The following MAF variants were observed in gnomAD, a reference collection of about 807,000 sequenced individuals.
MAF encodes transcription factor Maf.
In MAF, 10 loss-of-function variants were observed where a neutral mutation model predicts 22.0. The observed-to-expected ratio is 0.45, with a 90% CI of 0.28 to 0.77. MAF has a LOEUF of 0.77. Among genes scored for constraint, MAF ranks in the 30% least tolerant of loss-of-function variants. MAF has a pLI of 0.12. For missense variants in MAF, 544 were observed against 548.4 expected (o/e 0.99, Z 0.08); for synonymous variants, 337 against 255.8 (o/e 1.32, Z -3.03).
the MAF span, among the ~76,000 whole-genome samples, chr16:79,383,140 T>C: frequency 5.3e-5 from 8 of 152,222 alleles, no homozygotes; most frequent in African/African-American, 1.7e-4. Flanking sequence ...ATTGGAGATA[T>C]TGACATTTAC....
the MAF span, among the ~76,000 whole-genome samples, chr16:79,233,531 A>AATGGATAAT: frequency 3.3e-5 from 5 of 152,036 alleles, no homozygotes; most frequent in African/African-American, 1.2e-4. Flanking sequence ...GCTAAGCATC[A>AATGGATAAT]CTGGCTAATC....
At chr16:79,484,197 A>G in the MAF span, among the ~76,000 whole-genome samples, 4 of 152,212 alleles carry the variant, frequency 2.6e-5, no homozygotes, top group Non-Finnish European at 5.9e-5. Context: ...TCAAACAAAC[A>G]TCAGAACCAA....
At chr16:79,245,943 A>T in the MAF span, among the ~76,000 whole-genome samples, 2 of 152,092 alleles carry the variant, frequency 1.3e-5, no homozygotes, top group Non-Finnish European at 2.9e-5. Context: ...CATTCTCAGC[A>T]AACTAACACA....
the MAF span, among the ~76,000 whole-genome samples, chr16:79,547,529 T>TA: frequency 2.1e-4 from 31 of 151,164 alleles, no homozygotes; most frequent in African/African-American, 5.1e-4. Flanking sequence ...AAAAATATAC[T>TA]AAAAAAAAAC....
chr16:79,367,726 C>T, the MAF span, among the ~76,000 whole-genome samples: 183 of 152,298 alleles, frequency 1.2e-3, 1 homozygote, highest in African/African-American at 4.2e-3. Context: ...ATTTAAATTT[C>T]ACGTAAGTAC....
At chr16:79,225,395 A>G in the MAF span, among the ~76,000 whole-genome samples, 2 of 152,198 alleles carry the variant, frequency 1.3e-5, no homozygotes, top group Non-Finnish European at 2.9e-5. Flanking sequence ...ATAAGACCTA[A>G]AACCATAAAA....
chr16:79,406,336 G>A, the MAF span, among the ~76,000 whole-genome samples: 1 of 152,282 alleles, frequency 6.6e-6, no homozygotes, highest in South Asian at 2.1e-4. Flanking sequence ...GTCTCTTTGG[G>A]CTGCTATACC....
the MAF span, among the ~76,000 whole-genome samples, chr16:79,472,616 G>A: frequency 6.6e-6 from 1 of 152,092 alleles, no homozygotes. Context: ...GGGCTTGGAG[G>A]CAGAGAAGAA....
At chr16:79,471,837 C>A in the MAF span, among the ~76,000 whole-genome samples, 105 of 152,262 alleles carry the variant, frequency 6.9e-4, no homozygotes, top group Non-Finnish European at 6.3e-4. Flanking sequence ...TCAAATTTTC[C>A]ATAATGGGTA....
chr16:79,278,997 T>C, the MAF span, among the ~76,000 whole-genome samples: 1 of 152,114 alleles, frequency 6.6e-6, no homozygotes, highest in Non-Finnish European at 1.5e-5. Flanking sequence ...CAAATATATG[T>C]ATACAGGATA....
At chr16:79,353,865 C>A in the MAF span, among the ~76,000 whole-genome samples, 1 of 152,166 alleles carries the variant, frequency 6.6e-6, no homozygotes, top group Admixed American at 6.5e-5. Flanking sequence ...TCGTTAACAC[C>A]TAAAGCCCTC....
At chr16:79,541,759 G>T in the MAF span, among the ~76,000 whole-genome samples, 1 of 150,054 alleles carries the variant, frequency 6.7e-6, no homozygotes, top group African/African-American at 2.5e-5. Context: ...GGGTTCAAGA[G>T]ATTCTCCTGC....
chr16:79,314,929 C>G, the MAF span, among the ~76,000 whole-genome samples: 14 of 152,130 alleles, frequency 9.2e-5, no homozygotes, highest in Non-Finnish European at 1.2e-4. Flanking sequence ...GAAGTGACCT[C>G]GAAATGGCAA....
the MAF span, among the ~76,000 whole-genome samples, chr16:79,449,261 C>T: frequency 1.3e-5 from 2 of 152,348 alleles, no homozygotes; most frequent in East Asian, 3.9e-4. Flanking sequence ...CACTTGCCCT[C>T]TTGATGCGCT....
At chr16:79,509,640 G>GC in the MAF span, among the ~76,000 whole-genome samples, 1 of 152,232 alleles carries the variant, frequency 6.6e-6, no homozygotes, top group Non-Finnish European at 1.5e-5. Flanking sequence ...ATTGGCCAAG[G>GC]CCTGCGTTAC....
chr16:79,546,457 G>A, the MAF span, among the ~76,000 whole-genome samples: 1 of 152,154 alleles, frequency 6.6e-6, no homozygotes, highest in Non-Finnish European at 1.5e-5. Flanking sequence ...GAAAATGTAG[G>A]AAGTGATAAG....
the MAF span, among the ~76,000 whole-genome samples, chr16:79,253,887 T>C: frequency 6.6e-6 from 1 of 152,052 alleles, no homozygotes; most frequent in African/African-American, 2.4e-5. Context: ...TTCCTTATTT[T>C]CTCCTCCAGC....
the MAF span, among the ~76,000 whole-genome samples, chr16:79,302,730 T>C: frequency 1.3e-5 from 2 of 152,248 alleles, no homozygotes; most frequent in Admixed American, 6.5e-5. Flanking sequence ...TTGATTGATT[T>C]TGAAGTTAAA....
At chr16:79,440,073 A>G in the MAF span, among the ~76,000 whole-genome samples, 1 of 152,194 alleles carries the variant, frequency 6.6e-6, no homozygotes. Flanking sequence ...CACTTCCCTA[A>G]TTATGACATT....
Sources: gnomAD v4.1 joint callset for allele counts (sites outside exome capture counted in the v4.1 genomes callset) on GRCh38, gnomAD v4.1.1 for gene constraint, MANE v1.5 for transcripts, NCBI Gene and HGNC (gene_info 2026-07-23, HGNC 2026-07-21) for gene names.